The following CNGB3 variants were observed in gnomAD, a reference collection of about 807,000 sequenced individuals.
CNGB3 encodes cyclic nucleotide gated channel subunit beta 3, also known as cyclic nucleotide-gated channel beta-3.
CNGB3 carries 86 observed loss-of-function variants against 92.8 expected under a neutral mutation model. The observed-to-expected ratio is 0.93, with a 90% confidence interval of 0.78 to 1.11. CNGB3 has a LOEUF of 1.11. Ranked by LOEUF, CNGB3 falls within the 50% of genes least tolerant of loss-of-function variation. The pLI is 0.00. For missense variants in CNGB3, 1,026 were observed against 956.8 expected, an observed-to-expected ratio of 1.07 and a Z score of -0.95; for synonymous variants, 333 against 332.7, an observed-to-expected ratio of 1.00 and a Z score of -0.01.
At chr8:86,584,600 T>G (rs1821857403) in intron 15 of CNGB3, among the ~76,000 whole-genome samples, 1 of 151,900 alleles carries the variant, frequency 6.6e-6, no homozygotes, top group African/African-American at 2.4e-5. Flanking sequence ...GTCCACAAAA[T>G]GCTTCTCCAG....
chr8:86,578,672 T>G lies in CNGB3; in HGVS notation c.2103+17A>C. 4 of 1,613,268 alleles carry G rather than the reference T, an allele frequency of 2.5e-6. No individual in the cohort carries two copies. The South Asian group carries it at 4.4e-5, about 18-fold the overall frequency. ...GGCCTTCTCCATGACAGCCGTCCAT[T>G]CACTCCACCTTATTACCTGAGCTGC... On this transcript the variant is annotated intron_variant, in intron 17 of 17. Coordinates refer to ENST00000320005, the MANE Select transcript of CNGB3 (RefSeq NM_019098.5).
At position 86,726,598 on chromosome 8, in the gene CNGB3, C is replaced by A. The variant is rs1271582766; in HGVS notation, c.271G>T (p.Ala91Ser). The A allele has an allele frequency of 6.2e-7, 1 of 1,613,626 alleles. No individual in the cohort carries two copies. The highest frequency in any genetic ancestry group is 1.1e-5 in the South Asian group (1 of 91,078). ...GGCACTGTTCCAGTTGGTTCTGCTGCATTTTGAGGGTCAGGGTTTGTGGTC... is the reference window on the plus strand; with the variant it reads ...GGCACTGTTCCAGTTGGTTCTGCTGAATTTTGAGGGTCAGGGTTTGTGGTC... ...DLTTNPDPQN[A>S]AEPTGTVPEQ... The change falls in exon 3 of 18, where the codon GCA becomes TCA. Residue 91 changes from alanine (A) to serine (S), a missense_variant. Physicochemically the swap from Ala to Ser is moderately conservative, Grantham distance 99 (BLOSUM62 1). Coordinates refer to ENST00000320005, the MANE Select transcript of CNGB3 (RefSeq NM_019098.5).
intron 2 of CNGB3, among the ~76,000 whole-genome samples, chr8:86,727,533 T>A (rs1825082193): frequency 6.6e-6 from 1 of 152,166 alleles, no homozygotes; most frequent in African/African-American, 2.4e-5. Context: ...AATTAATTTC[T>A]TCCCGTCAAG....
At chr8:86,666,780 T>A (rs1823746745) in intron 6 of CNGB3, 145 bp downstream of exon 6, 1 of 735,720 alleles carries the variant, frequency 1.4e-6, no homozygotes. Context: ...TTATAATTGT[T>A]TTCTTGTTAT....
At chr8:86,609,942 A>T (rs2131564202) in intron 14 of CNGB3, among the ~76,000 whole-genome samples, 1 of 152,248 alleles carries the variant, frequency 6.6e-6, no homozygotes, top group Admixed American at 6.5e-5. Flanking sequence ...ATCTAAATTA[A>T]GTGTCTTTGC....
chr8:86,695,299 G>A (rs1038433545), intron 3 of CNGB3, among the ~76,000 whole-genome samples: 2 of 152,156 alleles, frequency 1.3e-5, no homozygotes, highest in African/African-American at 4.8e-5. Flanking sequence ...AAGAGAGGGA[G>A]AGGGAGACCA....
chr8:86,627,471 ACC>A (rs1822871667), intron 12 of CNGB3, among the ~76,000 whole-genome samples: 1 of 152,076 alleles, frequency 6.6e-6, no homozygotes, highest in South Asian at 2.1e-4. Context: ...TGAAGAAAAG[ACC>A]CTACCATAAT....
At chr8:86,713,286 C>T (rs1259766559) in intron 3 of CNGB3, among the ~76,000 whole-genome samples, 2 of 152,078 alleles carry the variant, frequency 1.3e-5, no homozygotes, top group African/African-American at 4.8e-5. Flanking sequence ...GGTTCTCCAG[C>T]CTAGATTTAC....
chr8:86,618,524 A>G (rs1340403948), intron 13 of CNGB3, among the ~76,000 whole-genome samples: 1 of 152,000 alleles, frequency 6.6e-6, no homozygotes, highest in African/African-American at 2.4e-5. Context: ...TCCCCTCCCT[A>G]TCGGAGGGCT....
intron 1 of CNGB3, among the ~76,000 whole-genome samples, chr8:86,740,100 T>G (rs1825316012): frequency 6.6e-6 from 1 of 152,214 alleles, no homozygotes; most frequent in South Asian, 2.1e-4. Context: ...GCTCCCTTTC[T>G]TCTCTCCATG....
At chr8:86,619,842 T>G (rs1264835991) in intron 13 of CNGB3, among the ~76,000 whole-genome samples, 1 of 148,232 alleles carries the variant, frequency 6.7e-6, no homozygotes, top group Non-Finnish European at 1.5e-5. Flanking sequence ...CAGGTGATAC[T>G]CTTGCCTTGG....
In CNGB3 at chr8:86,643,878, C is replaced by G; in HGVS notation, c.1056-5G>C. 1.9e-6 allele frequency: 3 copies of G among 1,603,804 alleles called. No homozygotes were observed. Among genetic ancestry groups the G allele is most frequent in the Non-Finnish European group, 2.6e-6 (3 of 1,173,278 alleles). On this transcript the variant is annotated splice_region_variant and splice_polypyrimidine_tract_variant and intron_variant, in intron 9 of 17. Transcript: ENST00000320005. ...TATCCAGTTGTTCGAATAACTCTGT[C>G]AGAGAGAATAGATGCAAAGTAAGAT...
intron 3 of CNGB3, among the ~76,000 whole-genome samples, chr8:86,696,022 G>T (rs952494620): frequency 2.0e-5 from 3 of 152,162 alleles, no homozygotes; most frequent in Non-Finnish European, 4.4e-5. Flanking sequence ...CCCAGCCATG[G>T]ATTCCAGCAC....
At chr8:86,595,165 CTT>C (rs147271162) in intron 15 of CNGB3, among the ~76,000 whole-genome samples, 3,599 of 152,266 alleles carry the variant, frequency 0.024, 142 homozygotes, top group African/African-American at 0.081. Flanking sequence ...GTCAAGAGGT[CTT>C]TTCTTTAACC....
intron 3 of CNGB3, among the ~76,000 whole-genome samples, chr8:86,705,413 A>C (rs1824634858): frequency 6.6e-6 from 1 of 151,990 alleles, no homozygotes; most frequent in African/African-American, 2.4e-5. Context: ...GCTGCCCCCA[A>C]CCCACCCGCA....
At chr8:86,584,167 C>G (rs1409470837) in intron 15 of CNGB3, among the ~76,000 whole-genome samples, 1 of 152,158 alleles carries the variant, frequency 6.6e-6, no homozygotes, top group African/African-American at 2.4e-5. Flanking sequence ...CCTCTGTTGT[C>G]ACAACCATAT....
chr8:86,618,178 C>T (rs1479637011), intron 13 of CNGB3, among the ~76,000 whole-genome samples: 1 of 152,162 alleles, frequency 6.6e-6, no homozygotes, highest in Admixed American at 6.5e-5. Context: ...GTGGTAATGC[C>T]AGCAATGAGC....
At chr8:86,626,764 AG>A (rs1822857045) in intron 12 of CNGB3, among the ~76,000 whole-genome samples, 1 of 152,218 alleles carries the variant, frequency 6.6e-6, no homozygotes, top group Non-Finnish European at 1.5e-5. Flanking sequence ...AATACATTAC[AG>A]ATTTTTCTAC....
intron 5 of CNGB3, among the ~76,000 whole-genome samples, chr8:86,667,697 A>G (rs1823770789): frequency 1.3e-5 from 2 of 152,226 alleles, no homozygotes; most frequent in African/African-American, 4.8e-5. Context: ...ATGTGAAGCC[A>G]TGGAAGAAGA....
Sources: allele counts gnomAD v4.1 joint callset (sites outside exome capture counted in the v4.1 genomes callset), GRCh38; gene constraint gnomAD v4.1.1; transcripts MANE v1.5; gene names NCBI Gene and HGNC (gene_info 2026-07-23, HGNC 2026-07-21).